COPS4: variants seen among roughly 807,000 people sequenced by gnomAD.
COPS4 encodes the protein COP9 signalosome subunit 4.
A neutral mutation model predicts 55.1 loss-of-function variants in COPS4; 8 were observed. The ratio of observed to expected loss-of-function variants is 0.15; its 90% CI spans 0.09 to 0.26. The LOEUF is 0.26. Ranked by LOEUF, COPS4 falls within the 10% of genes least tolerant of loss-of-function variation. COPS4 has a pLI of 1.00. For missense variants in COPS4, 248 were observed against 484.0 expected (o/e 0.51, Z 4.58); for synonymous variants, 185 against 165.7 (o/e 1.12, Z -0.90).
chr4:83,043,274 G>A (rs1289703524), intron 1 of COPS4, among the ~76,000 whole-genome samples: 1 of 151,736 alleles, frequency 6.6e-6, no homozygotes, highest in African/African-American at 2.4e-5. Context: ...CCCAGCACTT[G>A]GGGAGGCTGA....
At chr4:83,070,999 C>T (rs924497239) in intron 9 of COPS4, among the ~76,000 whole-genome samples, 1 of 152,198 alleles carries the variant, frequency 6.6e-6, no homozygotes, top group South Asian at 2.1e-4. Flanking sequence ...CCCTTTCCAG[C>T]CATCTTCTCT....
chr4:83,057,215 C>G, intron 5 of COPS4, 43 bp from the exon 6 acceptor site: 1 of 1,552,024 alleles, frequency 6.4e-7, no homozygotes, highest in Admixed American at 2.0e-5. Context: ...TTAACTCTTG[C>G]TTTTTAATTT....
rs117070807 is a variant in COPS4 at position 83,036,984 on chromosome 4, A to G, written c.74+1686A>G. ...TGCTTCAGTTATCTGTTGCTTTGTA[A>G]CAAACCAAAAACTTAACCAGTGTAA... is the stretch of plus-strand genomic sequence containing the variant. On this transcript the variant is annotated intron_variant, in intron 1 of 9. Transcript: ENST00000264389. Among the ~76,000 whole-genome samples the G allele has an allele frequency of 6.4e-4, 97 of 152,304 alleles. No homozygotes were observed. The East Asian group carries it at 0.017, about 27-fold the overall frequency.
At chr4:83,048,943 C>T (rs1730790549) in intron 2 of COPS4, among the ~76,000 whole-genome samples, 1 of 152,068 alleles carries the variant, frequency 6.6e-6, no homozygotes, top group Admixed American at 6.6e-5. Flanking sequence ...TCGCACTGGC[C>T]TATTTTTACT....
chr4:83,074,723 C>A (rs538137066), intron 9 of COPS4, among the ~76,000 whole-genome samples: 1 of 151,398 alleles, frequency 6.6e-6, no homozygotes, highest in South Asian at 2.1e-4. Flanking sequence ...CCGGGCTGGT[C>A]TCAAACTCCT....
chr4:83,054,373 A>G (rs372999214), intron 4 of COPS4, among the ~76,000 whole-genome samples: 1 of 152,042 alleles, frequency 6.6e-6, no homozygotes, highest in East Asian at 1.9e-4. Flanking sequence ...AAAACAAAAA[A>G]TAACTTCATC....
intron 4 of COPS4, among the ~76,000 whole-genome samples, chr4:83,054,404 A>C (rs1373245553): frequency 1.3e-5 from 2 of 152,244 alleles, no homozygotes; most frequent in African/African-American, 4.8e-5. Context: ...CTCGTTTGCC[A>C]GGTGAACGGG....
chr4:83,063,332 AT>A, intron 7 of COPS4, 86 bp downstream of exon 7: 1 of 907,038 alleles, frequency 1.1e-6, no homozygotes, highest in Non-Finnish European at 1.6e-6. Flanking sequence ...GTATCTTTTA[AT>A]AATAATTCTA....
At chr4:83,050,134 A>G in intron 4 of COPS4, 150 bp downstream of exon 4, 1 of 526,552 alleles carries the variant, frequency 1.9e-6, no homozygotes, top group South Asian at 2.8e-5. Context: ...GCTGTGGAGA[A>G]AAGTAATGGG....
chr4:83,058,931 C>G (rs1336607390), intron 6 of COPS4, among the ~76,000 whole-genome samples: 1 of 152,188 alleles, frequency 6.6e-6, no homozygotes, highest in Admixed American at 6.5e-5. Flanking sequence ...TTCATGAGCA[C>G]CTGATTTCTT....
At chr4:83,069,457 C>T (rs190847993) in intron 9 of COPS4, among the ~76,000 whole-genome samples, 29 of 152,268 alleles carry the variant, frequency 1.9e-4, no homozygotes, top group African/African-American at 4.3e-4. Flanking sequence ...GGAGAAGAGT[C>T]GGGCATCAGA....
intron 4 of COPS4, among the ~76,000 whole-genome samples, chr4:83,054,659 A>AT (rs1730971802): frequency 6.6e-6 from 1 of 152,186 alleles, no homozygotes; most frequent in Non-Finnish European, 1.5e-5. Flanking sequence ...TTTACCTAGC[A>AT]TTTTTTCCCT....
At chr4:83,038,995 G>T (rs916001081) in intron 1 of COPS4, among the ~76,000 whole-genome samples, 1 of 152,188 alleles carries the variant, frequency 6.6e-6, no homozygotes, top group African/African-American at 2.4e-5. Context: ...GCTTCATTAT[G>T]ATATGTCTGT....
intron 6 of COPS4, among the ~76,000 whole-genome samples, chr4:83,060,344 C>T (rs926012934): frequency 1.8e-5 from 2 of 109,456 alleles, no homozygotes; most frequent in Admixed American, 1.1e-4. Context: ...CCACCACGCG[C>T]AGCTAATTTT....
chr4:83,041,709 C>T (rs373610317), intron 1 of COPS4, among the ~76,000 whole-genome samples: 14 of 151,778 alleles, frequency 9.2e-5, no homozygotes, highest in African/African-American at 2.9e-4. Context: ...CTCAAGCGAT[C>T]GTCTTCCTTG....
At chr4:83,066,666 A>G (rs1022565571) in intron 8 of COPS4, 113 bp downstream of exon 8, 2 of 594,964 alleles carry the variant, frequency 3.4e-6, no homozygotes, top group Non-Finnish European at 5.9e-6. Context: ...CAACAAAATA[A>G]ATGTTGGAAA....
chr4:83,057,134 A>T, intron 5 of COPS4, 55 bp downstream of exon 5: 2 of 1,548,150 alleles, frequency 1.3e-6, no homozygotes, highest in East Asian at 2.3e-5. Flanking sequence ...GTAACATACT[A>T]AGATGTTCCA....
chr4:83,048,320 T>G (rs968520529), intron 2 of COPS4, among the ~76,000 whole-genome samples: 6 of 152,184 alleles, frequency 3.9e-5, no homozygotes, highest in Non-Finnish European at 8.8e-5. Flanking sequence ...CTCGTAAATG[T>G]TTATAAATAA....
At chr4:83,053,780 C>T (rs1488411229) in intron 4 of COPS4, among the ~76,000 whole-genome samples, 2 of 128,732 alleles carry the variant, frequency 1.6e-5, no homozygotes, top group Non-Finnish European at 3.1e-5. Context: ...GTGGAGGTTG[C>T]AGTGAGCCGA....
Sources: gnomAD v4.1 joint callset for allele counts (sites outside exome capture counted in the v4.1 genomes callset) on GRCh38, gnomAD v4.1.1 for gene constraint, MANE v1.5 for transcripts, NCBI Gene and HGNC (gene_info 2026-07-23, HGNC 2026-07-21) for gene names.